NUBP1: variants seen among roughly 807,000 people sequenced by gnomAD.
NUBP1 encodes the protein NUBP iron-sulfur cluster assembly factor 1, cytosolic, also known as cytosolic Fe-S cluster assembly factor NUBP1.
A neutral mutation model predicts 41.8 loss-of-function variants in NUBP1; 46 were observed. The ratio of observed to expected loss-of-function variants is 1.10; its 90% CI spans 0.87 to 1.41. The LOEUF is 1.41. Among genes scored for constraint, NUBP1 ranks in the 40% most tolerant of loss-of-function variants. The pLI, the probability that NUBP1 is intolerant of heterozygous loss-of-function variation, is 0.00. For missense variants in NUBP1, 494 were observed against 414.0 expected (o/e 1.19, Z -1.68); for synonymous variants, 189 against 154.6 (o/e 1.22, Z -1.65).
chr16:10,748,558 C>T (rs555517375), intron 3 of NUBP1, among the ~76,000 whole-genome samples: 1 of 152,286 alleles, frequency 6.6e-6, no homozygotes, highest in East Asian at 1.9e-4. Context: ...GGGCAAGTTA[C>T]CAGGCTTACT....
In NUBP1 at chr16:10,768,730, A is replaced by C. The variant is rs918081083; in HGVS notation, c.905-317A>C. 2.1e-5 allele frequency: 6 copies of C among 290,098 alleles called. No individual in the cohort carries two copies. Among genetic ancestry groups the C allele is most frequent in the Non-Finnish European group, 3.8e-5 (6 of 158,130 alleles). 18.0% of individuals were successfully genotyped at this position (290,098 alleles called of 1,614,324 possible). Reference sequence around the variant, plus strand: ...AGGGCAGAGGTGTCAGTGTTTGTTAAAGCTGTGGTCTCTGAGTTTGTGGCT... The same window carrying C: ...AGGGCAGAGGTGTCAGTGTTTGTTACAGCTGTGGTCTCTGAGTTTGTGGCT... On this transcript the variant is annotated intron_variant, in intron 10 of 10. Coordinates refer to ENST00000283027, the MANE Select transcript of NUBP1 (RefSeq NM_002484.4). The surrounding 1 kb of genome is among the most constrained non-coding windows in gnomAD (Gnocchi z 4.3).
intron 2 of NUBP1, among the ~76,000 whole-genome samples, chr16:10,744,275 C>A (rs2541466): frequency 5.5e-4 from 83 of 152,122 alleles, no homozygotes; most frequent in Non-Finnish European, 1.0e-3. Flanking sequence ...GGAACGAGGC[C>A]TTTAGAAGGC....
chr16:10,753,375 T>C (rs1357496992), intron 4 of NUBP1, among the ~76,000 whole-genome samples: 1 of 152,142 alleles, frequency 6.6e-6, no homozygotes, highest in African/African-American at 2.4e-5. Context: ...TCTGCCCTTG[T>C]GGTCTCCCCT....
chr16:10,744,579 C>T (rs1010188110), intron 2 of NUBP1, among the ~76,000 whole-genome samples: 6 of 152,114 alleles, frequency 3.9e-5, no homozygotes, highest in Non-Finnish European at 7.4e-5. Context: ...GGGGATCAGG[C>T]GTGGTCACTG....
In NUBP1 at chr16:10,757,919, C is replaced by G; in HGVS notation, c.498C>G (p.Asp166Glu). 6.2e-7 allele frequency: 1 copy of G among 1,614,114 alleles called. No homozygotes were observed. The highest frequency in any genetic ancestry group is 8.5e-7 in the Non-Finnish European group (1 of 1,180,016). Residue 166 changes from aspartate to glutamate, a missense_variant, in exon 7 of 11, where the codon GAC (aspartate) becomes GAG (glutamate). Physicochemically the swap from Asp to Glu is conservative, Grantham distance 45. Transcript: ENST00000283027. This position sits in a 1 kb window ranked among gnomAD's most constrained non-coding sequence, Gnocchi z 4.1. ...FLRDVDWGEV[D>E]YLIVDTPPGT... is the part of the protein sequence containing the mutation. Reference sequence around the variant, plus strand: ...GAGATGTGGACTGGGGAGAGGTCGACTACCTCATTGTGGACACCCCACCTG... The same window carrying G: ...GAGATGTGGACTGGGGAGAGGTCGAGTACCTCATTGTGGACACCCCACCTG...
intron 2 of NUBP1, among the ~76,000 whole-genome samples, chr16:10,745,737 C>A (rs1900028633): frequency 6.6e-6 from 1 of 152,206 alleles, no homozygotes; most frequent in African/African-American, 2.4e-5. Context: ...AGTATATCTA[C>A]ACTATTCAGA....
At chr16:10,762,805 G>A (rs2063413706) in intron 9 of NUBP1, among the ~76,000 whole-genome samples, 1 of 152,122 alleles carries the variant, frequency 6.6e-6, no homozygotes, top group African/African-American at 2.4e-5. Context: ...AGAGGGTGGG[G>A]GCCGCGTGCT....
intron 2 of NUBP1, among the ~76,000 whole-genome samples, chr16:10,744,639 C>G (rs1899978080): frequency 1.3e-5 from 2 of 152,206 alleles, no homozygotes. Flanking sequence ...GAGCTAGCAA[C>G]TAAACCACCG....
chr16:10,763,834 G>A (rs549911536), intron 9 of NUBP1: 55 of 157,678 alleles, frequency 3.5e-4, no homozygotes, highest in Admixed American at 7.8e-4. Context: ...ATATCAGCCC[G>A]AAAGAGCATC....
In NUBP1 at chr16:10,753,404, G is replaced by T. The variant is rs537553233; in HGVS notation, c.327+726G>T. Among the ~76,000 whole-genome samples, 26 of 152,280 alleles carry T rather than the reference G, an allele frequency of 1.7e-4. No individual in the cohort carries two copies. In the South Asian group the frequency reaches 5.4e-3, roughly 32 times the overall value. On this transcript the variant is annotated intron_variant, in intron 4 of 10. Transcript: ENST00000283027. ...CTCCCCTGGGGAACTGAGACTGCAG[G>T]GCGGGTGAGCGATGTGGGCTGGGGG...
At chr16:10,746,393 C>T (rs1900065487) in intron 2 of NUBP1, among the ~76,000 whole-genome samples, 1 of 152,162 alleles carries the variant, frequency 6.6e-6, no homozygotes, top group Non-Finnish European at 1.5e-5. Flanking sequence ...GGACATTTAG[C>T]ACAATCTGGG....
rs571364520 is a variant in NUBP1 at position 10,747,672 on chromosome 16, G to A, written c.258+396G>A. On this transcript the variant is annotated intron_variant, in intron 3 of 10. Coordinates refer to ENST00000283027, the MANE Select transcript of NUBP1 (RefSeq NM_002484.4). ...TGATTCCTTATACTAAGTTGAATTG[G>A]CCTCTTTGGAATCTCAATCCGGCAG... 5.3e-5 allele frequency among the ~76,000 whole-genome samples: 8 copies of A among 152,324 alleles called. 2 individuals carry two copies. The highest frequency in any genetic ancestry group is 1.7e-4 in the African/African-American group (7 of 41,570).
chr16:10,767,600 A>C lies in NUBP1; in HGVS notation c.821-349A>C, dbSNP rs1269240279. On this transcript the variant is annotated intron_variant, in intron 9 of 10. Transcript: ENST00000283027. The surrounding 1 kb of genome is among the most constrained non-coding windows in gnomAD (Gnocchi z 4.6). ...TATGCCATATCCTTTTGCATTCTGT[A>C]CTTTTTTTAACCATGTGCATTCATG... is the stretch of plus-strand genomic sequence containing the variant. The C allele has an allele frequency of 4.4e-6, 2 of 451,136 alleles. No individual in the cohort carries two copies. The highest frequency in any genetic ancestry group is 7.8e-6 in the Non-Finnish European group (2 of 257,250). The allele number at this position is 451,136 out of a possible 1,614,324, so 27.9% of individuals were successfully genotyped here.
In NUBP1 at chr16:10,752,646, AT is replaced by A; in HGVS notation, c.297del (p.Lys101ArgfsTer2). ...AGACATCGATATATGTGGGCCATCGATTCCCAAGATAATGGGATTGGAAGGA... is the reference window on the plus strand; with the variant it reads ...AGACATCGATATATGTGGGCCATCGATCCCAAGATAATGGGATTGGAAGGA... The part of the protein sequence containing the change: ...LLDIDICGPS[I>X]PKIMGLEGEQ... On this transcript the variant is annotated frameshift_variant, in exon 4 of 11. Transcript: ENST00000283027. LOFTEE classifies it high-confidence loss of function. The A allele has an allele frequency of 6.2e-7, 1 of 1,613,906 alleles. No individual in the cohort carries two copies. Among genetic ancestry groups the A allele is most frequent in the Non-Finnish European group, 8.5e-7 (1 of 1,179,832 alleles).
Position 10,749,083 on chromosome 16 carries a change from C to G in NUBP1, c.258+1807C>G, listed in dbSNP as rs925126891. Among the ~76,000 whole-genome samples the G allele has an allele frequency of 6.8e-6, 1 of 146,986 alleles. No homozygotes were observed. Among genetic ancestry groups the G allele is most frequent in the East Asian group, 2.0e-4 (1 of 5,024 alleles). ...TCCAGCCTGGGTGACAGACAAGACTCCATTTAAAAAAAAAAAAGGATATAG... is the reference window on the plus strand; with the variant it reads ...TCCAGCCTGGGTGACAGACAAGACTGCATTTAAAAAAAAAAAAGGATATAG... On this transcript the variant is annotated intron_variant, in intron 3 of 10. Transcript: ENST00000283027. The surrounding 1 kb of genome is among the most constrained non-coding windows in gnomAD (Gnocchi z 4.1).
At chr16:10,753,688 C>A (rs1313493945) in intron 4 of NUBP1, among the ~76,000 whole-genome samples, 1 of 152,038 alleles carries the variant, frequency 6.6e-6, no homozygotes, top group South Asian at 2.1e-4. Flanking sequence ...GAAACCAACC[C>A]AGAGTGAGGG....
At chr16:10,755,409 C>A (rs754695307) in intron 4 of NUBP1, among the ~76,000 whole-genome samples, 1 of 152,108 alleles carries the variant, frequency 6.6e-6, no homozygotes, top group Non-Finnish European at 1.5e-5. Context: ...AGTCCCCAGC[C>A]GATTTTTATG....
At chr16:10,746,546 G>T (rs1424100825) in intron 2 of NUBP1, among the ~76,000 whole-genome samples, 2 of 152,288 alleles carry the variant, frequency 1.3e-5, no homozygotes, top group South Asian at 2.1e-4. Flanking sequence ...TTCGAGACTA[G>T]CCTGGCCAAC....
chr16:10,768,886 G>A lies in NUBP1; in HGVS notation c.905-161G>A, dbSNP rs543769824. 15 of 619,998 alleles carry A rather than the reference G, an allele frequency of 2.4e-5. No homozygotes were observed. Among genetic ancestry groups the A allele is most frequent in the African/African-American group, 7.5e-5 (4 of 53,632 alleles). The allele number at this position is 619,998 out of a possible 1,614,324, so 38.4% of individuals were successfully genotyped here. On this transcript the variant is annotated intron_variant, in intron 10 of 10. Transcript: ENST00000283027. This position sits in a 1 kb window ranked among gnomAD's most constrained non-coding sequence, Gnocchi z 4.3. ...CAAGATGGGTAGTGTGAGGTATTCC[G>A]GTCACTTTCAAAGACTCAGGGCATC...
Sources: gnomAD v4.1 joint callset for allele counts (sites outside exome capture counted in the v4.1 genomes callset) on GRCh38, gnomAD v4.1.1 for gene constraint, Gnocchi (gnomAD v3.1) non-coding constraint, MANE v1.5 for transcripts, NCBI Gene and HGNC (gene_info 2026-07-23, HGNC 2026-07-21) for gene names.